NUTM2F: variants seen among roughly 807,000 people sequenced by gnomAD.
The protein encoded by NUTM2F is family with sequence similarity 22, member F.
A neutral mutation model predicts 43.3 loss-of-function variants in NUTM2F; 22 were observed. The observed-to-expected ratio is 0.51, with a 90% confidence interval of 0.36 to 0.73. The LOEUF (loss-of-function observed/expected upper bound fraction) is 0.73, where lower values mean the gene tolerates loss of function less well. Among genes scored for constraint, NUTM2F ranks in the 30% least tolerant of loss-of-function variants. The probability of loss-of-function intolerance (pLI) is 0.00; values close to 1 mark genes in which losing one functional copy is unlikely to be tolerated. For missense variants in NUTM2F, 488 were observed against 927.4 expected (o/e 0.53, Z 6.15); for synonymous variants, 202 against 389.0 (o/e 0.52, Z 5.66).
intron 2 of NUTM2F, among the ~76,000 whole-genome samples, chr9:94,324,402 C>T (rs1447894278): frequency 1.3e-5 from 2 of 151,882 alleles, no homozygotes; most frequent in Non-Finnish European, 2.9e-5. Context: ...GTGGCTCATG[C>T]CTGCAATCGC....
Position 94,321,586 on chromosome 9 carries a change from G to A in NUTM2F, c.843-354C>T, listed in dbSNP as rs553823757. Among the ~76,000 whole-genome samples the A allele has an allele frequency of 3.9e-4, 57 of 146,140 alleles. 1 individual carries two copies. The East Asian group carries it at 9.3e-3, about 24-fold the overall frequency. On this transcript the variant is annotated intron_variant, in intron 3 of 6. Transcript: ENST00000253262. ...CCCAGATGCAGGAGTCCTGAGGCTG[G>A]GACTGTGGGCCCCTGAAGGATAACC... is the stretch of plus-strand genomic sequence containing the variant.
chr9:94,319,567 C>T, intron 6 of NUTM2F, 46 bp downstream of exon 6: 1 of 1,611,702 alleles, frequency 6.2e-7, no homozygotes, highest in Non-Finnish European at 8.5e-7. Flanking sequence ...TGCCGGGTCC[C>T]TCCTGCCCCT....
intron 3 of NUTM2F, among the ~76,000 whole-genome samples, 162 bp downstream of exon 3, chr9:94,322,038 AG>A: frequency 6.6e-6 from 1 of 150,780 alleles, no homozygotes; most frequent in East Asian, 2.0e-4. Flanking sequence ...AGAGCACTCT[AG>A]GTGTCAGGAG....
In NUTM2F at chr9:94,320,400, A is replaced by C; in HGVS notation, c.1176T>G (p.Pro392=). 1 of 1,612,850 alleles carries C rather than the reference A, an allele frequency of 6.2e-7. No homozygotes were observed. The highest frequency in any genetic ancestry group is 8.5e-7 in the Non-Finnish European group (1 of 1,179,832). ...AETKVPEEIP[P]EVVQEYVDIM... Reference sequence around the variant, plus strand: ...TGTCCACATACTCCTGCACCACTTCAGGGGGGATCTCCTCAGGGACCTTGG... The same window carrying C: ...TGTCCACATACTCCTGCACCACTTCCGGGGGGATCTCCTCAGGGACCTTGG... The change falls in exon 5 of 7, where the codon CCT becomes CCG. Residue 392 remains proline (P), a synonymous_variant. Coordinates refer to ENST00000253262, the MANE Select transcript of NUTM2F (RefSeq NM_017561.2). This position sits in a 1 kb window ranked among gnomAD's most constrained non-coding sequence, Gnocchi z 4.5.
In NUTM2F at chr9:94,318,259, AC is replaced by A. The variant is rs1831298385; in HGVS notation, c.*205del. Reference sequence around the variant, plus strand: ...CAAGGCCCCCAAGGCACTGCTTCCCACCCCCCAGGCCCTCCCTTCCTGCCCT... The same window carrying A: ...CAAGGCCCCCAAGGCACTGCTTCCCACCCCCAGGCCCTCCCTTCCTGCCCT... On this transcript the variant is annotated 3_prime_UTR_variant, in exon 7 of 7. Transcript: ENST00000253262. The A allele has an allele frequency of 4.9e-6, 1 of 204,660 alleles. No homozygotes were observed. The highest frequency in any genetic ancestry group is 8.5e-6 in the Non-Finnish European group (1 of 117,406). The allele number at this position is 204,660 out of a possible 1,614,324, so 12.7% of individuals were successfully genotyped here.
At position 94,318,277 on chromosome 9, in the gene NUTM2F, T is replaced by TC; in HGVS notation, c.*187dup. ...GCTTCCCACCCCCCAGGCCCTCCCT[T>TC]CCTGCCCTCCCCGTTCAGCCACCTT... is the stretch of plus-strand genomic sequence containing the variant. On this transcript the variant is annotated 3_prime_UTR_variant, in exon 7 of 7. Coordinates refer to ENST00000253262, the MANE Select transcript of NUTM2F (RefSeq NM_017561.2). 4.0e-6 allele frequency: 1 copy of TC among 251,206 alleles called. No homozygotes were observed. The highest frequency in any genetic ancestry group is 6.9e-6 in the Non-Finnish European group (1 of 144,540). The allele number at this position is 251,206 out of a possible 1,614,324, so 15.6% of individuals were successfully genotyped here.
rs1468019601 is a variant in NUTM2F, at chr9:94,320,607, G to A, written c.983-14C>T. ...TGGGAAGGTACACTGAGGCAGAGAG[G>A]GAGGAGGATGGGTGTGGTGAGGGCC... On this transcript the variant is annotated splice_polypyrimidine_tract_variant and intron_variant, in intron 4 of 6. Coordinates refer to ENST00000253262, the MANE Select transcript of NUTM2F (RefSeq NM_017561.2). This position sits in a 1 kb window ranked among gnomAD's most constrained non-coding sequence, Gnocchi z 4.5. 6.3e-7 allele frequency: 1 copy of A among 1,593,596 alleles called. No individual in the cohort carries two copies. The highest frequency in any genetic ancestry group is 1.3e-5 in the African/African-American group (1 of 74,630).
intron 1 of NUTM2F, 133 bp from the exon 2 acceptor site, chr9:94,326,067 G>A (rs1831450052): frequency 2.5e-6 from 2 of 790,894 alleles, no homozygotes; most frequent in Middle Eastern, 3.7e-4. Context: ...GTCCCTGAGT[G>A]TGCATCAGAT....
Position 94,322,220 on chromosome 9 carries a change from A to G in NUTM2F, c.823T>C (p.Phe275Leu). 1 of 1,612,068 alleles carries G rather than the reference A, an allele frequency of 6.2e-7. No homozygotes were observed. The highest frequency in any genetic ancestry group is 8.5e-7 in the Non-Finnish European group (1 of 1,179,882). The change falls in exon 3 of 7, where the codon TTC becomes CTC. Residue 275 changes from phenylalanine to leucine, a missense_variant. Coordinates refer to ENST00000253262, the MANE Select transcript of NUTM2F (RefSeq NM_017561.2). ...ACTCACTTTTCCGCCATCTCGTAGA[A>G]GATCATCCGGTCAAAGTTGCTCGTG... ...QHTSNFDRMIFYEMAEKFLEF... is the reference protein window; with the variant it reads ...QHTSNFDRMILYEMAEKFLEF...
chr9:94,326,580 G>A (rs1338590544), intron 1 of NUTM2F, among the ~76,000 whole-genome samples: 5 of 151,850 alleles, frequency 3.3e-5, no homozygotes, highest in African/African-American at 7.3e-5. Flanking sequence ...GTGAAACCCC[G>A]TCTCTACTAA....
rs551307671 is a variant in NUTM2F at position 94,326,063 on chromosome 9, G to A, written c.17-129C>T. 1,374 of 824,810 alleles carry A rather than the reference G, an allele frequency of 1.7e-3. 8 individuals are homozygous for A. The African/African-American group carries it at 0.019, about 11-fold the overall frequency. 51.1% of individuals were successfully genotyped at this position (824,810 alleles called of 1,614,324 possible). On this transcript the variant is annotated intron_variant, in intron 1 of 6. Transcript: ENST00000253262. ...AACTCTGCAGCTTGCAAGTGTCCCTGAGTGTGCATCAGATGCTCTGTTCCT... is the reference window on the plus strand; with the variant it reads ...AACTCTGCAGCTTGCAAGTGTCCCTAAGTGTGCATCAGATGCTCTGTTCCT...
In NUTM2F at chr9:94,319,688, A is replaced by T; in HGVS notation, c.1410T>A (p.Leu470=). ...VIHPRFLEEL[L]SPDPQMDFLA... ...AGAAATCCATCTGTGGATCTGGGGAAAGCAATTCTTCCAGGAATCGGGGGT... is the reference window on the plus strand; with the variant it reads ...AGAAATCCATCTGTGGATCTGGGGATAGCAATTCTTCCAGGAATCGGGGGT... The change falls in exon 6 of 7, where the codon CTT becomes CTA. Residue 470 remains leucine (L), a synonymous_variant. Coordinates refer to ENST00000253262, the MANE Select transcript of NUTM2F (RefSeq NM_017561.2). 2 of 1,611,746 alleles carry T rather than the reference A, an allele frequency of 1.2e-6. No homozygotes were observed. The highest frequency in any genetic ancestry group is 1.7e-6 in the Non-Finnish European group (2 of 1,179,766).
chr9:94,322,264 G>T lies in NUTM2F; in HGVS notation c.779C>A (p.Ala260Asp). ...TMTLEEGLWQ[A>D]MREWQHTSNF... is the part of the protein sequence containing the mutation. ...GCTCGTGTGCTGCCATTCCCGCATG[G>T]CCTGCCACAGTCCCTCCTCCAGCGT... The change falls in exon 3 of 7, where the codon GCC (alanine) becomes GAC (aspartate). Residue 260 changes from alanine (A) to aspartate (D), a missense_variant. By Grantham distance (126) the Ala-to-Asp change is moderately radical. Transcript: ENST00000253262. 1 of 1,612,052 alleles carries T rather than the reference G, an allele frequency of 6.2e-7. No individual in the cohort carries two copies.
At chr9:94,328,142 T>C (rs1831473335) in intron 1 of NUTM2F, among the ~76,000 whole-genome samples, 1 of 151,700 alleles carries the variant, frequency 6.6e-6, no homozygotes, top group Admixed American at 6.6e-5. Flanking sequence ...AACAGTTTTC[T>C]GGCTGAGACC....
Position 94,320,799 on chromosome 9 carries a change from G to T in NUTM2F, c.983-206C>A, listed in dbSNP as rs868017273. 1.3e-5 allele frequency among the ~76,000 whole-genome samples: 2 copies of T among 152,156 alleles called. No individual in the cohort carries two copies. The highest frequency in any genetic ancestry group is 4.1e-4 in the South Asian group (2 of 4,830). ...GGAAGTTTGGAGCCACCGATATGCC[G>T]TGTACTCTCCCCGCTCATCTCTGCT... On this transcript the variant is annotated intron_variant, in intron 4 of 6. Transcript: ENST00000253262. This position sits in a 1 kb window ranked among gnomAD's most constrained non-coding sequence, Gnocchi z 4.5.
intron 2 of NUTM2F, among the ~76,000 whole-genome samples, chr9:94,323,650 A>T (rs778361670): frequency 1.3e-5 from 2 of 152,172 alleles, no homozygotes; most frequent in Non-Finnish European, 1.5e-5. Context: ...GTGTCATAGT[A>T]TGTGCCAGGC....
rs773045778 is a variant in NUTM2F, at chr9:94,325,515, C to T, written c.436G>A (p.Ala146Thr). ...TSAQVVGGTQ[A>T]CEGGWSHGLP... ...CCATGGGACCAGCCTCCCTCACAGG[C>T]CTGGGTGCCCCCAACCACCTGGGCA... is the stretch of plus-strand genomic sequence containing the variant. The change falls in exon 2 of 7, where the codon GCC (alanine) becomes ACC (threonine). Residue 146 changes from alanine to threonine, a missense_variant. Transcript: ENST00000253262. The T allele has an allele frequency of 2.6e-5, 35 of 1,357,694 alleles. No homozygotes were observed. The highest frequency in any genetic ancestry group is 3.2e-5 in the Non-Finnish European group (32 of 1,011,676). The allele number at this position is 1,357,694 out of a possible 1,614,324, so 84.1% of individuals were successfully genotyped here. A position where few individuals can be genotyped will look rare whatever the true frequency, so the allele number is the denominator to read the frequency against.
At chr9:94,327,134 C>T (rs1343832957) in intron 1 of NUTM2F, among the ~76,000 whole-genome samples, 2 of 139,594 alleles carry the variant, frequency 1.4e-5, no homozygotes, top group Admixed American at 7.3e-5. Context: ...GACGGAGTCT[C>T]GCTCTGTCAC....
chr9:94,321,351 CA>C (rs1831364478), intron 3 of NUTM2F, 119 bp from the exon 4 acceptor site: 1 of 1,483,624 alleles, frequency 6.7e-7, no homozygotes, highest in African/African-American at 1.4e-5. Flanking sequence ...TCCAGGCCCT[CA>C]CTGGGACCCA....
Sources: gnomAD v4.1 joint callset for allele counts (sites outside exome capture counted in the v4.1 genomes callset) on GRCh38, gnomAD v4.1.1 for gene constraint, Gnocchi (gnomAD v3.1) non-coding constraint, MANE v1.5 for transcripts, NCBI Gene and HGNC (gene_info 2026-07-23, HGNC 2026-07-21) for gene names.